Variants in FAM120B observed in about 807,000 individuals in gnomAD.
FAM120B encodes family with sequence similarity 120 member B, also known as constitutive coactivator of peroxisome proliferator-activated receptor gamma.
FAM120B carries 83 observed loss-of-function variants against 96.3 expected under a neutral mutation model. That is an observed-to-expected ratio of 0.86 (90% CI 0.72 to 1.03). The LOEUF is 1.03. Ranked by LOEUF, FAM120B falls within the 50% of genes least tolerant of loss-of-function variation. The pLI, the probability that FAM120B is intolerant of heterozygous loss-of-function variation, is 0.00. For missense variants in FAM120B, 1,027 were observed against 1,121.2 expected (o/e 0.92, Z 1.20); for synonymous variants, 407 against 402.7 (o/e 1.01, Z -0.13).
chr6:170,327,177 C>G (rs997116301), intron 3 of FAM120B, among the ~76,000 whole-genome samples: 2 of 151,870 alleles, frequency 1.3e-5, no homozygotes, highest in Admixed American at 1.3e-4. Flanking sequence ...CTCCCAAGTA[C>G]CTGGGACTAC....
At chr6:170,380,571 G>A (rs191049402) in intron 6 of FAM120B, among the ~76,000 whole-genome samples, 19 of 152,348 alleles carry the variant, frequency 1.2e-4, no homozygotes, top group South Asian at 1.0e-3. Flanking sequence ...ATTTCACACC[G>A]TGGGTTTGAT....
intron 5 of FAM120B, among the ~76,000 whole-genome samples, chr6:170,349,773 A>G (rs561636778): frequency 6.6e-6 from 1 of 152,332 alleles, no homozygotes; most frequent in African/African-American, 2.4e-5. Context: ...AGAGGAATGA[A>G]AAGGGGCAAG....
intron 4 of FAM120B, among the ~76,000 whole-genome samples, chr6:170,338,653 C>T (rs746596259): frequency 4.5e-4 from 68 of 152,114 alleles, no homozygotes; most frequent in Non-Finnish European, 2.1e-4. Flanking sequence ...GTGTGGGAGT[C>T]TAAGTCTCTT....
At chr6:170,342,332 T>C (rs1786892638) in intron 4 of FAM120B, among the ~76,000 whole-genome samples, 1 of 152,212 alleles carries the variant, frequency 6.6e-6, no homozygotes, top group Non-Finnish European at 1.5e-5. Context: ...ACTTCTTACA[T>C]CCTGAGAATA....
At chr6:170,319,194 T>A (rs1785134674) in intron 2 of FAM120B, 70 bp downstream of exon 2, 2 of 1,422,396 alleles carry the variant, frequency 1.4e-6, no homozygotes, top group Admixed American at 2.3e-5. Context: ...TTAGTGAAGA[T>A]CCATTACTGC....
intron 8 of FAM120B, among the ~76,000 whole-genome samples, chr6:170,391,966 C>T (rs1790504761): frequency 6.6e-6 from 1 of 152,202 alleles, no homozygotes; most frequent in Admixed American, 6.5e-5. Flanking sequence ...CAGAATCTTC[C>T]ACTACTACAT....
chr6:170,367,581 C>T (rs575111468), intron 6 of FAM120B, among the ~76,000 whole-genome samples: 13 of 152,278 alleles, frequency 8.5e-5, no homozygotes, highest in South Asian at 4.2e-4. Context: ...CAGGTAAGTC[C>T]GCGGGGAGAC....
intron 6 of FAM120B, among the ~76,000 whole-genome samples, chr6:170,385,695 C>G (rs542952512): frequency 7.9e-5 from 12 of 152,232 alleles, no homozygotes; most frequent in African/African-American, 2.9e-4. Context: ...TTTCGGCAAC[C>G]CTATTCATAA....
At chr6:170,404,229 C>T in intron 9 of FAM120B, 1 of 280,384 alleles carries the variant, frequency 3.6e-6, no homozygotes, top group Admixed American at 5.2e-5. Flanking sequence ...GGTGAGCCAT[C>T]TGCATGTGAA....
intron 1 of FAM120B, among the ~76,000 whole-genome samples, chr6:170,308,681 T>C (rs1485708226): frequency 1.3e-5 from 2 of 152,214 alleles, no homozygotes; most frequent in Admixed American, 1.3e-4. Context: ...CCAAATGGTA[T>C]GTTTCAAGTC....
At chr6:170,336,390 C>T (rs188216079) in intron 4 of FAM120B, among the ~76,000 whole-genome samples, 1 of 152,000 alleles carries the variant, frequency 6.6e-6, no homozygotes, top group African/African-American at 2.4e-5. Context: ...GGCCTTTGGT[C>T]TATATATCTG....
intron 9 of FAM120B, among the ~76,000 whole-genome samples, chr6:170,397,847 C>G (rs1778263533): frequency 6.6e-6 from 1 of 152,188 alleles, no homozygotes; most frequent in Non-Finnish European, 1.5e-5. Context: ...CCCACCTGAC[C>G]CAGTAAGGCA....
At chr6:170,362,578 C>T (rs966256672) in intron 6 of FAM120B, among the ~76,000 whole-genome samples, 2 of 152,124 alleles carry the variant, frequency 1.3e-5, no homozygotes, top group African/African-American at 2.4e-5. Flanking sequence ...CGTATACTGC[C>T]GTGGGTCCAG....
chr6:170,306,479 C>G (rs1784286131), upstream of FAM120B: 1 of 152,284 alleles, frequency 6.6e-6, no homozygotes, highest in Non-Finnish European at 1.5e-5. Context: ...AGTGTATGAA[C>G]AAAGAGGTTC....
upstream of FAM120B, among the ~76,000 whole-genome samples, chr6:170,291,843 C>G (rs1038229475): frequency 2.0e-5 from 3 of 152,302 alleles, no homozygotes; most frequent in Non-Finnish European, 2.9e-5. Flanking sequence ...CAACTCCCCC[C>G]ACAGACACGC....
intron 6 of FAM120B, among the ~76,000 whole-genome samples, chr6:170,364,988 G>A (rs1408150123): frequency 2.6e-5 from 4 of 152,232 alleles, no homozygotes; most frequent in African/African-American, 7.2e-5. Context: ...GGGTTGAAAA[G>A]CAAAGCTAGG....
In FAM120B at chr6:170,298,291, A is replaced by G. The variant is rs1784066638; in HGVS notation, c.48+2838A>G. 3 of 152,224 alleles carry G rather than the reference A, an allele frequency of 2.0e-5. 1 individual carries two copies. The South Asian group carries it at 6.2e-4, about 32-fold the overall frequency. The allele number at this position is 152,224 out of a possible 1,614,324, so 9.4% of individuals were successfully genotyped here. A position where few individuals can be genotyped will look rare whatever the true frequency, so the allele number is the denominator to read the frequency against. ...CCCAAGTATCCAAGTATCAGAGGGG[A>G]AAAAAAAGAAGGAACAAAATTTAGG... On this transcript the variant is annotated intron_variant, in intron 1 of 10. Coordinates refer to the FAM120B transcript ENST00000537664.
At chr6:170,330,667 AT>A in intron 4 of FAM120B, 117 bp downstream of exon 4, 1 of 740,022 alleles carries the variant, frequency 1.4e-6, no homozygotes, top group Non-Finnish European at 2.3e-6. Context: ...ACTAGTTTTT[AT>A]TTAAACCCTT....
rs770855269 is a variant in FAM120B at position 170,318,383 on chromosome 6, G to A, written c.993G>A (p.Thr331=). The part of the protein sequence containing the change: ...VITLDKQVIS[T]SSDAESREEV... Reference sequence around the variant, plus strand: ...CTTTGGACAAACAAGTAATATCCACGAGTTCAGACGCCGAATCCAGGGAAG... The same window carrying A: ...CTTTGGACAAACAAGTAATATCCACAAGTTCAGACGCCGAATCCAGGGAAG... The change falls in exon 2 of 11, where the codon ACG becomes ACA. Residue 331 remains threonine (T), a synonymous_variant. Transcript: ENST00000476287. 18 of 1,614,104 alleles carry A rather than the reference G, an allele frequency of 1.1e-5. No individual in the cohort carries two copies. The highest frequency in any genetic ancestry group is 6.7e-5 in the East Asian group (3 of 44,896).
Sources: gnomAD v4.1 joint callset for allele counts (sites outside exome capture counted in the v4.1 genomes callset) on GRCh38, gnomAD v4.1.1 for gene constraint, MANE v1.5 for transcripts, NCBI Gene and HGNC (gene_info 2026-07-23, HGNC 2026-07-21) for gene names.